The following FBLN2 variants were observed in gnomAD, a reference collection of about 807,000 sequenced individuals.
FBLN2 encodes fibulin 2.
A neutral mutation model predicts 123.7 loss-of-function variants in FBLN2; 81 were observed. The observed-to-expected ratio is 0.65, with a 90% CI of 0.55 to 0.79. FBLN2 has a LOEUF of 0.79. Ranked by LOEUF, FBLN2 falls within the 30% of genes least tolerant of loss-of-function variation. The pLI, the probability that FBLN2 is intolerant of heterozygous loss-of-function variation, is 0.00. For missense variants in FBLN2, 1,603 were observed against 1,681.3 expected (o/e 0.95, Z 0.81); for synonymous variants, 699 against 701.4 (o/e 1.00, Z 0.05).
At chr3:13,609,712 G>A in intron 4 of FBLN2, 70 bp downstream of exon 4, 1 of 1,525,004 alleles carries the variant, frequency 6.6e-7, no homozygotes, top group Non-Finnish European at 8.8e-7. Flanking sequence ...TGGGCCTGAA[G>A]GTCCTCGTGG....
intron 1 of FBLN2, among the ~76,000 whole-genome samples, chr3:13,556,464 A>G (rs763423858): frequency 3.4e-4 from 51 of 151,976 alleles, no homozygotes; most frequent in Non-Finnish European, 8.8e-5. Context: ...TAAACCTCCT[A>G]ATGGGGGGCC....
intron 14 of FBLN2, among the ~76,000 whole-genome samples, 168 bp downstream of exon 14, chr3:13,630,113 G>T (rs1012077223): frequency 2.0e-5 from 3 of 152,114 alleles, no homozygotes; most frequent in African/African-American, 7.2e-5. Flanking sequence ...ACCCTCTCTG[G>T]CCTCCACTCT....
At chr3:13,550,332 C>T (rs946608588) in intron 1 of FBLN2, among the ~76,000 whole-genome samples, 2 of 152,246 alleles carry the variant, frequency 1.3e-5, no homozygotes, top group African/African-American at 4.8e-5. Flanking sequence ...TCTCTCCCTT[C>T]CCCTGCTCCA....
intron 2 of FBLN2, among the ~76,000 whole-genome samples, chr3:13,573,341 A>G (rs1413694151): frequency 1.3e-5 from 2 of 151,108 alleles, no homozygotes; most frequent in Non-Finnish European, 3.0e-5. Context: ...CTCATCCTCT[A>G]CATTGCAGCT....
chr3:13,610,232 C>T (rs1705345825), intron 4 of FBLN2, among the ~76,000 whole-genome samples: 1 of 152,114 alleles, frequency 6.6e-6, no homozygotes, highest in African/African-American at 2.4e-5. Context: ...TGGAGTGCAT[C>T]GAGTGACAGG....
Position 13,609,626 on chromosome 3 carries a change from G to T in FBLN2, c.1532G>T (p.Gly511Val). 7.5e-6 allele frequency: 10 copies of T among 1,335,930 alleles called. No individual in the cohort carries two copies. Among genetic ancestry groups the T allele is most frequent in the Non-Finnish European group, 9.8e-6 (10 of 1,016,528 alleles). 82.8% of individuals were successfully genotyped at this position (1,335,930 alleles called of 1,614,324 possible). Residue 511 changes from glycine (G) to valine (V), a missense_variant, in exon 4 of 18, where the codon GGC becomes GTC. Transcript: ENST00000404922. ...GGGGCTGAGGACAACGACAGCTGCG[G>T]CATCTCCCTGTACAAGGCAAGCCTG... ...TCGAEDNDSCGISLYKQCCDC... is the reference protein window; with the variant it reads ...TCGAEDNDSCVISLYKQCCDC...
intron 1 of FBLN2, among the ~76,000 whole-genome samples, chr3:13,562,104 G>T (rs1407881820): frequency 6.6e-6 from 1 of 152,176 alleles, no homozygotes; most frequent in African/African-American, 2.4e-5. Context: ...ATTTTTCCCA[G>T]TGAACTAGAT....
rs779613351 is a variant in FBLN2 at position 13,621,860 on chromosome 3, C to A, written c.2241C>A (p.Asn747Lys). 6 of 1,613,748 alleles carry A rather than the reference C, an allele frequency of 3.7e-6. No homozygotes were observed. In the African/African-American group the frequency reaches 8.0e-5, roughly 22 times the overall value. Residue 747 changes from asparagine to lysine, a missense_variant, in exon 9 of 18, where the codon AAC becomes AAA. Asn to Lys is a moderately conservative substitution (Grantham distance 94). Coordinates refer to ENST00000404922, the MANE Select transcript of FBLN2 (RefSeq NM_001004019.2). ...VNTLGSFYCV[N>K]HTVLCADGYI... ...CCCTGGGATCCTTCTACTGTGTCAA[C>A]CACACAGTGCTCTGTGCCGATGGCT...
At position 13,627,856 on chromosome 3, in the gene FBLN2, C is replaced by T. The variant is rs766263024; in HGVS notation, c.2456C>T (p.Thr819Met). The change falls in exon 11 of 18, where the codon ACG becomes ATG. Residue 819 changes from threonine to methionine, a missense_variant. By Grantham distance (81) the Thr-to-Met change is moderately conservative. Coordinates refer to ENST00000404922, the MANE Select transcript of FBLN2 (RefSeq NM_001004019.2). Reference protein sequence around the residue: ...CEDVDECAMGTHTCQPGFLCQ... With the variant: ...CEDVDECAMGMHTCQPGFLCQ... ...GACGTGGATGAGTGTGCGATGGGCA[C>T]GCACACCTGCCAGCCGGGCTTCTTG... 68 of 1,613,330 alleles carry T rather than the reference C, an allele frequency of 4.2e-5. No homozygotes were observed. The East Asian group carries it at 4.7e-4, about 11-fold the overall frequency.
At chr3:13,558,498 G>C (rs1703519292) in intron 1 of FBLN2, among the ~76,000 whole-genome samples, 1 of 152,114 alleles carries the variant, frequency 6.6e-6, no homozygotes. Context: ...CACTTAGCCA[G>C]TGACTAGCCA....
At position 13,629,810 on chromosome 3, in the gene FBLN2, C is replaced by T; in HGVS notation, c.2843-10C>T. 2 of 1,564,812 alleles carry T rather than the reference C, an allele frequency of 1.3e-6. No homozygotes were observed. Among genetic ancestry groups the T allele is most frequent in the Non-Finnish European group, 1.7e-6 (2 of 1,154,836 alleles). ...CACCTACCCTGTACCTGCTGCCTGC[C>T]CTCCCACAGACGTGAATGAGTGCTG... On this transcript the variant is annotated splice_polypyrimidine_tract_variant and intron_variant, in intron 13 of 17. Coordinates refer to ENST00000404922, the MANE Select transcript of FBLN2 (RefSeq NM_001004019.2).
chr3:13,563,421 T>C (rs1372756041), intron 1 of FBLN2, among the ~76,000 whole-genome samples: 1 of 152,230 alleles, frequency 6.6e-6, no homozygotes, highest in African/African-American at 2.4e-5. Context: ...TCCATGGTCT[T>C]TGGCCAGTGA....
At chr3:13,584,788 C>G (rs973311351) in intron 2 of FBLN2, among the ~76,000 whole-genome samples, 1 of 152,248 alleles carries the variant, frequency 6.6e-6, no homozygotes, top group African/African-American at 2.4e-5. Context: ...TGCCACCACA[C>G]AGGCATGGGC....
At position 13,637,722 on chromosome 3, in the gene FBLN2, A is replaced by T; in HGVS notation, c.3499A>T (p.Asn1167Tyr). The T allele has an allele frequency of 6.2e-7, 1 of 1,613,990 alleles. No individual in the cohort carries two copies. The highest frequency in any genetic ancestry group is 8.5e-7 in the Non-Finnish European group (1 of 1,179,866). The stretch of plus-strand genomic sequence containing the variant: ...CTTCACGGGGGACACCATCGCCCTG[A>T]ACATCATCAAGGGCAATGAGGAGGG... Reference protein sequence around the residue: ...PAFTGDTIALNIIKGNEEGYF... With the variant: ...PAFTGDTIALYIIKGNEEGYF... Residue 1167 changes from asparagine (N) to tyrosine (Y), a missense_variant, in exon 18 of 18, where the codon AAC becomes TAC. Coordinates refer to ENST00000404922, the MANE Select transcript of FBLN2 (RefSeq NM_001004019.2).
Position 13,593,713 on chromosome 3 carries a change from C to CAAAAAA in FBLN2, c.1307-14335_1307-14330dup, listed in dbSNP as rs59546141. 2.2e-3 allele frequency among the ~76,000 whole-genome samples: 177 copies of CAAAAAA among 81,182 alleles called. 6 individuals carry two copies. The South Asian group carries it at 0.026, about 12-fold the overall frequency. 53.3% of individuals were successfully genotyped at this position (81,182 alleles called of 152,430 possible). A position where few individuals can be genotyped will look rare whatever the true frequency, so the allele number is the denominator to read the frequency against. The stretch of plus-strand genomic sequence containing the variant: ...TGGGCGACAGAGTGAGACTCTATCT[C>CAAAAAA]AAAAAAAAAAAAAAAAAAAGTGGAA... On this transcript the variant is annotated intron_variant, in intron 2 of 17. Coordinates refer to ENST00000404922, the MANE Select transcript of FBLN2 (RefSeq NM_001004019.2).
At chr3:13,619,331 G>A (rs1242911977) in intron 7 of FBLN2, among the ~76,000 whole-genome samples, 2 of 152,196 alleles carry the variant, frequency 1.3e-5, no homozygotes, top group East Asian at 3.9e-4. Flanking sequence ...TGTGGAGGCT[G>A]TGTTCAGCGC....
chr3:13,611,902 A>G (rs1315322000), intron 4 of FBLN2, among the ~76,000 whole-genome samples: 1 of 152,184 alleles, frequency 6.6e-6, no homozygotes, highest in African/African-American at 2.4e-5. Context: ...ACATGAGAAA[A>G]AAGGGAAACA....
chr3:13,609,175 G>T (rs1414033901), intron 3 of FBLN2, among the ~76,000 whole-genome samples: 1 of 152,236 alleles, frequency 6.6e-6, no homozygotes, highest in Non-Finnish European at 1.5e-5. Flanking sequence ...GGACCCGGAG[G>T]CTGTGCTCCT....
At chr3:13,589,678 A>G (rs1704610490) in intron 2 of FBLN2, among the ~76,000 whole-genome samples, 1 of 152,226 alleles carries the variant, frequency 6.6e-6, no homozygotes, top group African/African-American at 2.4e-5. Flanking sequence ...CTCTAATATT[A>G]TCACATACCA....
Sources: allele counts gnomAD v4.1 joint callset (sites outside exome capture counted in the v4.1 genomes callset), GRCh38; gene constraint gnomAD v4.1.1; transcripts MANE v1.5; gene names NCBI Gene and HGNC (gene_info 2026-07-23, HGNC 2026-07-21).